Variants in SLC13A3 observed in about 807,000 individuals in gnomAD.
The protein encoded by SLC13A3 is solute carrier family 13 member 3, also known as Na(+)/dicarboxylate cotransporter 3.
In SLC13A3, 40 loss-of-function variants were observed where a neutral mutation model predicts 59.0. That is an observed-to-expected ratio of 0.68 (90% CI 0.53 to 0.88). SLC13A3 has a LOEUF of 0.88. Ranked by LOEUF, SLC13A3 falls within the 40% of genes least tolerant of loss-of-function variation. SLC13A3 has a pLI of 0.00. For synonymous variants in SLC13A3, 317 were observed against 330.3 expected (o/e 0.96, Z 0.44); for missense variants, 699 against 783.2 (o/e 0.89, Z 1.28).
At chr20:46,616,087 A>C (rs1485274704) in intron 1 of SLC13A3, among the ~76,000 whole-genome samples, 1 of 152,164 alleles carries the variant, frequency 6.6e-6, no homozygotes, top group African/African-American at 2.4e-5. Flanking sequence ...ATAATACAGA[A>C]TCAAACTCCA....
intron 8 of SLC13A3, among the ~76,000 whole-genome samples, chr20:46,587,512 AC>A (rs1360998842): frequency 6.6e-6 from 1 of 151,934 alleles, no homozygotes; most frequent in African/African-American, 2.4e-5. Flanking sequence ...GTTTGTTCTG[AC>A]TCAGGCTTCA....
At chr20:46,578,960 A>G (rs1250725460) in intron 9 of SLC13A3, among the ~76,000 whole-genome samples, 1 of 152,150 alleles carries the variant, frequency 6.6e-6, no homozygotes, top group South Asian at 2.1e-4. Context: ...ACAAGCACAT[A>G]GTAGGTACTC....
At chr20:46,614,964 G>A (rs1005738950) in intron 1 of SLC13A3, among the ~76,000 whole-genome samples, 18 of 152,144 alleles carry the variant, frequency 1.2e-4, no homozygotes, top group African/African-American at 4.3e-4. Flanking sequence ...TGGGCTGATG[G>A]CAATGTTCTA....
At chr20:46,622,617 T>TGTGC (rs57277976) in intron 1 of SLC13A3, among the ~76,000 whole-genome samples, 2 of 87,782 alleles carry the variant, frequency 2.3e-5, no homozygotes, top group Non-Finnish European at 4.4e-5. Context: ...GTGTGTGGTG[T>TGTGC]GTGCGTGTGT....
intron 1 of SLC13A3, among the ~76,000 whole-genome samples, chr20:46,614,559 G>A (rs2062536648): frequency 6.6e-6 from 1 of 152,170 alleles, no homozygotes; most frequent in African/African-American, 2.4e-5. Flanking sequence ...TCCTTACACG[G>A]TACTTAGTGC....
intron 3 of SLC13A3, chr20:46,608,868 C>A: frequency 6.5e-7 from 1 of 1,546,768 alleles, no homozygotes; most frequent in East Asian, 2.4e-5. Flanking sequence ...CAAGATGTGG[C>A]TCCTGTCTTT....
chr20:46,600,088 G>C, intron 3 of SLC13A3, 51 bp from the exon 4 acceptor site: 2 of 1,394,746 alleles, frequency 1.4e-6, no homozygotes, highest in Non-Finnish European at 1.9e-6. Context: ...AATGGAACAG[G>C]AGTGTCCCAA....
intron 1 of SLC13A3, among the ~76,000 whole-genome samples, chr20:46,636,814 CT>C (rs56079100): frequency 0.77 from 113,814 of 147,548 alleles, 44,847 homozygotes; most frequent in African/African-American, 0.94. Flanking sequence ...TTCTTTTTTT[CT>C]TTTTTTTTTG....
chr20:46,642,885 C>A (rs1174550878), intron 1 of SLC13A3, among the ~76,000 whole-genome samples: 1 of 149,868 alleles, frequency 6.7e-6, no homozygotes, highest in Non-Finnish European at 1.5e-5. Flanking sequence ...AGCCTGAGAA[C>A]CATCTGCCGC....
intron 2 of SLC13A3, among the ~76,000 whole-genome samples, chr20:46,612,665 G>A (rs1205873989): frequency 6.6e-6 from 1 of 152,054 alleles, no homozygotes; most frequent in Non-Finnish European, 1.5e-5. Flanking sequence ...AAACTCTGTT[G>A]TGCATTATGC....
At chr20:46,585,373 T>C (rs2062180173) in intron 8 of SLC13A3, 1 of 999,996 alleles carries the variant, frequency 1.0e-6, no homozygotes, top group Admixed American at 6.0e-5. Flanking sequence ...TCAGCATTGT[T>C]TGAATTTTTA....
chr20:46,602,989 A>G (rs546392583), intron 3 of SLC13A3, among the ~76,000 whole-genome samples: 1 of 151,958 alleles, frequency 6.6e-6, no homozygotes, highest in East Asian at 1.9e-4. Flanking sequence ...GACCAGCCTG[A>G]CCAACATGGA....
At chr20:46,585,203 T>G in intron 8 of SLC13A3, 2 of 981,438 alleles carry the variant, frequency 2.0e-6, no homozygotes, top group Non-Finnish European at 2.4e-6. Flanking sequence ...TATTATTATA[T>G]TTTACAGTCT....
intron 7 of SLC13A3, among the ~76,000 whole-genome samples, chr20:46,588,590 T>G (rs1238534914): frequency 6.6e-6 from 1 of 151,714 alleles, no homozygotes; most frequent in East Asian, 1.9e-4. Context: ...AAACACACAG[T>G]CTGTCTACAC....
At chr20:46,561,167 C>G (rs2061927166) in intron 12 of SLC13A3, among the ~76,000 whole-genome samples, 1 of 152,198 alleles carries the variant, frequency 6.6e-6, no homozygotes, top group East Asian at 1.9e-4. Context: ...CCATTTGTCT[C>G]TTATATACCT....
At chr20:46,671,592 G>T (rs1036058069), upstream of SLC13A3, among the ~76,000 whole-genome samples, 7 of 152,140 alleles carry the variant, frequency 4.6e-5, no homozygotes, top group African/African-American at 9.7e-5. Context: ...GAAACAGGGG[G>T]TTAGGAATGC....
intron 1 of SLC13A3, among the ~76,000 whole-genome samples, chr20:46,642,647 T>G (rs1600603840): frequency 6.6e-6 from 1 of 152,238 alleles, no homozygotes; most frequent in Non-Finnish European, 1.5e-5. Flanking sequence ...CCTCTCTTCA[T>G]CTTACCACAT....
chr20:46,623,881 C>T (rs925709240), intron 1 of SLC13A3, among the ~76,000 whole-genome samples: 4 of 152,184 alleles, frequency 2.6e-5, no homozygotes, highest in African/African-American at 9.7e-5. Context: ...AAGTAACTTG[C>T]CCATAGCTGC....
At chr20:46,574,718 A>C (rs1408504795) in intron 10 of SLC13A3, among the ~76,000 whole-genome samples, 2 of 152,194 alleles carry the variant, frequency 1.3e-5, no homozygotes, top group African/African-American at 4.8e-5. Context: ...TAGGTAAGGT[A>C]CTGTATCTCT....
Sources: allele counts gnomAD v4.1 joint callset (sites outside exome capture counted in the v4.1 genomes callset), GRCh38; gene constraint gnomAD v4.1.1; transcripts MANE v1.5; gene names NCBI Gene and HGNC (gene_info 2026-07-23, HGNC 2026-07-21).